STXBP5L: variants seen among roughly 807,000 people sequenced by gnomAD.
The protein encoded by STXBP5L is syntaxin-binding protein 5-like.
Under a neutral mutation model 144.5 loss-of-function variants are expected in STXBP5L, and 65 were observed. The ratio of observed to expected loss-of-function variants is 0.45; its 90% confidence interval spans 0.37 to 0.55. The LOEUF (loss-of-function observed/expected upper bound fraction) is 0.55, where lower values mean the gene tolerates loss of function less well. Among genes scored for constraint, STXBP5L ranks in the 20% least tolerant of loss-of-function variants. The pLI, the probability that STXBP5L is intolerant of heterozygous loss-of-function variation, is 0.00. For synonymous variants in STXBP5L, 505 were observed against 469.6 expected, an observed-to-expected ratio of 1.08 and a Z score of -0.97; for missense variants, 1,298 against 1,405.5, an observed-to-expected ratio of 0.92 and a Z score of 1.22.
At chr3:120,991,072 ATCTAC>A (rs1178617761) in intron 3 of STXBP5L, among the ~76,000 whole-genome samples, 1 of 151,998 alleles carries the variant, frequency 6.6e-6, no homozygotes, top group African/African-American at 2.4e-5. Flanking sequence ...AATTTTTGCA[ATCTAC>A]TCATCTGACA....
chr3:121,082,385 G>T (rs1295341216), intron 5 of STXBP5L, among the ~76,000 whole-genome samples: 2 of 151,632 alleles, frequency 1.3e-5, no homozygotes, highest in African/African-American at 4.9e-5. Context: ...TTTAAATTTT[G>T]TTTGGCACAT....
At chr3:120,948,635 A>C (rs1711003302) in intron 2 of STXBP5L, among the ~76,000 whole-genome samples, 1 of 151,930 alleles carries the variant, frequency 6.6e-6, no homozygotes, top group South Asian at 2.1e-4. Flanking sequence ...GCTCTTACTT[A>C]TATGTGAGAA....
intron 5 of STXBP5L, among the ~76,000 whole-genome samples, chr3:121,106,586 T>C (rs1422925718): frequency 6.6e-6 from 1 of 152,192 alleles, no homozygotes; most frequent in Non-Finnish European, 1.5e-5. Context: ...CATTCTTTTT[T>C]GGCTGCATAG....
At position 121,045,428 on chromosome 3, in the gene STXBP5L, G is replaced by A. The variant is rs950269776; in HGVS notation, c.370-7G>A. ...CACACACTTACTTTATCTTCTTTTT[G>A]TTCTAGGGTGCCTTGGTCAGTGCAA... On this transcript the variant is annotated splice_region_variant and splice_polypyrimidine_tract_variant and intron_variant, in intron 4 of 26. Transcript: ENST00000471454. 1.9e-6 allele frequency: 3 copies of A among 1,594,476 alleles called. No individual in the cohort carries two copies. Among genetic ancestry groups the A allele is most frequent in the South Asian group, 1.2e-5 (1 of 86,354 alleles).
intron 20 of STXBP5L, among the ~76,000 whole-genome samples, chr3:121,338,261 A>G (rs1376892885): frequency 2.6e-5 from 4 of 152,124 alleles, no homozygotes; most frequent in Non-Finnish European, 5.9e-5. Flanking sequence ...GATCAACAAA[A>G]CAAAAAGTTG....
rs563645370 is a variant in STXBP5L at position 121,406,575 on chromosome 3, A to G, written c.2588-668A>G. 4.3e-4 allele frequency among the ~76,000 whole-genome samples: 65 copies of G among 152,160 alleles called. No homozygotes were observed. The South Asian group carries it at 5.8e-3, about 14-fold the overall frequency. On this transcript the variant is annotated intron_variant, in intron 22 of 26. Transcript: ENST00000471454. Reference sequence around the variant, plus strand: ...ACCTATAGGCAATAATCTGGCATACATTGTCAACCTTGGAGAATCCAGGTG... The same window carrying G: ...ACCTATAGGCAATAATCTGGCATACGTTGTCAACCTTGGAGAATCCAGGTG...
chr3:121,077,566 G>C (rs907232249), intron 5 of STXBP5L, among the ~76,000 whole-genome samples: 2 of 152,136 alleles, frequency 1.3e-5, no homozygotes, highest in Non-Finnish European at 2.9e-5. Context: ...AGCTTCCACA[G>C]TGTGGAAGGG....
intron 2 of STXBP5L, among the ~76,000 whole-genome samples, chr3:120,950,818 T>C (rs1711170636): frequency 6.6e-6 from 1 of 152,090 alleles, no homozygotes; most frequent in East Asian, 1.9e-4. Context: ...AAAGTTCATA[T>C]GGAACCAAAA....
rs115738002 is a variant in STXBP5L, at chr3:121,035,909, A to G, written c.288-5791A>G. Among the ~76,000 whole-genome samples the G allele has an allele frequency of 4.6e-3, 706 of 152,270 alleles. 6 individuals are homozygous for G. Among genetic ancestry groups the G allele is most frequent in the African/African-American group, 0.016 (667 of 41,564 alleles). ...CTTTAATTTCTCTTTGTAATATTTT[A>G]TAGCTTTCAGTGAACAGGTCTTAAA... On this transcript the variant is annotated intron_variant, in intron 3 of 26. Coordinates refer to ENST00000471454, the MANE Select transcript of STXBP5L (RefSeq NM_001308330.2).
At chr3:121,149,841 T>G (rs1342981209) in intron 7 of STXBP5L, among the ~76,000 whole-genome samples, 2 of 152,132 alleles carry the variant, frequency 1.3e-5, no homozygotes, top group African/African-American at 4.8e-5. Flanking sequence ...AGGTGGCTCA[T>G]TATTTTTAAT....
chr3:121,071,497 G>T (rs2041810833), intron 5 of STXBP5L, among the ~76,000 whole-genome samples: 1 of 152,178 alleles, frequency 6.6e-6, no homozygotes, highest in Non-Finnish European at 1.5e-5. Context: ...ATGTTGGGTG[G>T]TCTTGGTTTT....
intron 5 of STXBP5L, among the ~76,000 whole-genome samples, chr3:121,070,745 T>C (rs958450233): frequency 3.9e-5 from 6 of 152,160 alleles, no homozygotes. Context: ...GTTTTAATAT[T>C]ATTTAGTTTA....
intron 17 of STXBP5L, among the ~76,000 whole-genome samples, chr3:121,258,033 T>C (rs1389908241): frequency 6.6e-6 from 1 of 152,152 alleles, no homozygotes; most frequent in Non-Finnish European, 1.5e-5. Flanking sequence ...GAGTTCTATA[T>C]TAGAAAAAAG....
intron 5 of STXBP5L, among the ~76,000 whole-genome samples, chr3:121,059,166 G>T (rs746089732): frequency 3.9e-5 from 6 of 152,074 alleles, no homozygotes; most frequent in Admixed American, 6.6e-5. Context: ...GTAAGGAAGG[G>T]GTCCAGTTTC....
rs193144579 is a variant in STXBP5L, at chr3:120,938,453, G to A, written c.190-16487G>A. On this transcript the variant is annotated intron_variant, in intron 2 of 26. Transcript: ENST00000471454. Reference sequence around the variant, plus strand: ...AGGAGAGCAACTTCACAGCTAGAAAGTTAGCATATTTTTAAAGGTTTTTGA... The same window carrying A: ...AGGAGAGCAACTTCACAGCTAGAAAATTAGCATATTTTTAAAGGTTTTTGA... Among the ~76,000 whole-genome samples, 76 of 152,258 alleles carry A rather than the reference G, an allele frequency of 5.0e-4. 1 individual carries two copies. The East Asian group carries it at 0.014, about 27-fold the overall frequency.
rs920747856 is a variant in STXBP5L, at chr3:121,193,500, C to G, written c.878-12423C>G. On this transcript the variant is annotated intron_variant, in intron 9 of 26. Transcript: ENST00000471454. ...TGTACCCAAAGGATTATAAATCATGCTAATATAAAGAAACATGTACATGTA... is the reference window on the plus strand; with the variant it reads ...TGTACCCAAAGGATTATAAATCATGGTAATATAAAGAAACATGTACATGTA... Among the ~76,000 whole-genome samples the G allele has an allele frequency of 3.3e-5, 5 of 151,966 alleles. No homozygotes were observed. In the East Asian group the frequency reaches 7.7e-4, roughly 23 times the overall value.
At chr3:121,279,300 A>G (rs988948179) in intron 18 of STXBP5L, among the ~76,000 whole-genome samples, 5 of 151,898 alleles carry the variant, frequency 3.3e-5, no homozygotes, top group African/African-American at 1.2e-4. Context: ...AACTTTTTGT[A>G]TCTCCTCATT....
intron 3 of STXBP5L, among the ~76,000 whole-genome samples, chr3:121,033,988 A>T (rs1379876095): frequency 2.6e-5 from 4 of 152,118 alleles, no homozygotes; most frequent in African/African-American, 9.7e-5. Flanking sequence ...GATTCTATGC[A>T]AGTCTTTTGG....
At chr3:121,179,073 G>A (rs2047042128) in intron 9 of STXBP5L, among the ~76,000 whole-genome samples, 2 of 152,102 alleles carry the variant, frequency 1.3e-5, no homozygotes, top group African/African-American at 2.4e-5. Context: ...CAGTGGGAAA[G>A]CTTATGACCT....
Sources: gnomAD v4.1 joint callset for allele counts (sites outside exome capture counted in the v4.1 genomes callset) on GRCh38, gnomAD v4.1.1 for gene constraint, MANE v1.5 for transcripts, NCBI Gene and HGNC (gene_info 2026-07-23, HGNC 2026-07-21) for gene names.